The following NLRP9 variants were observed in gnomAD, a reference collection of about 807,000 sequenced individuals.
The protein encoded by NLRP9 is NACHT, LRR and PYD domains-containing protein 9.
Under a neutral mutation model 83.1 loss-of-function variants are expected in NLRP9, and 88 were observed. The ratio of observed to expected loss-of-function variants is 1.06; its 90% confidence interval spans 0.89 to 1.26. The LOEUF is 1.26. Ranked by LOEUF, NLRP9 falls within the 50% of genes most tolerant of loss-of-function variation. The pLI, the probability that NLRP9 is intolerant of heterozygous loss-of-function variation, is 0.00. For missense variants in NLRP9, 1,308 were observed against 1,179.3 expected (o/e 1.11, Z -1.60); for synonymous variants, 521 against 447.6 (o/e 1.16, Z -2.07).
At chr19:55,713,323 A>G (rs1250817141) in intron 6 of NLRP9, among the ~76,000 whole-genome samples, 1 of 151,818 alleles carries the variant, frequency 6.6e-6, no homozygotes, top group Non-Finnish European at 1.5e-5. Flanking sequence ...GATAGAGGAC[A>G]GAGGATAGGG....
chr19:55,733,919 ATTT>A (rs765779528), intron 1 of NLRP9, among the ~76,000 whole-genome samples: 5 of 117,850 alleles, frequency 4.2e-5, no homozygotes, highest in African/African-American at 7.2e-5. Context: ...TGTCAACCAA[ATTT>A]TTTTTTTTTT....
rs181727417 is a variant in NLRP9, at chr19:55,710,655, C to T, written c.2843+1145G>A. 5.9e-5 allele frequency among the ~76,000 whole-genome samples: 9 copies of T among 152,276 alleles called. No individual in the cohort carries two copies. The East Asian group carries it at 1.3e-3, about 23-fold the overall frequency. On this transcript the variant is annotated intron_variant, in intron 8 of 8. Coordinates refer to ENST00000332836, the MANE Select transcript of NLRP9 (RefSeq NM_176820.4). ...CTGCTTCCTTTCCTCCTGCTCCCGC[C>T]ACCAAAGACGTGCCTATTTCTGCTT...
rs1203355414 is a variant in NLRP9, at chr19:55,732,020, T to C, written c.1811A>G (p.Asp604Gly). The change falls in exon 2 of 9, where the codon GAT (aspartate) becomes GGT (glycine). Residue 604 changes from aspartate (D) to glycine (G), a missense_variant. Physicochemically the swap from Asp to Gly is moderately conservative, Grantham distance 94 (BLOSUM62 -1). Coordinates refer to ENST00000332836, the MANE Select transcript of NLRP9 (RefSeq NM_176820.4). ...LRMCVENIFP[D>G]DSGCISDYNE... is the part of the protein sequence containing the mutation. ...TCACTCTGAGATGCATCCTGAGTCATCTGGAAAGATATTCTCCACACACAT... is the reference window on the plus strand; with the variant it reads ...TCACTCTGAGATGCATCCTGAGTCACCTGGAAAGATATTCTCCACACACAT... The C allele has an allele frequency of 6.4e-7, 1 of 1,574,088 alleles. No homozygotes were observed. The highest frequency in any genetic ancestry group is 1.2e-5 in the South Asian group (1 of 82,288).
chr19:55,715,326 A>T, intron 5 of NLRP9, 101 bp from the exon 6 acceptor site: 4 of 997,124 alleles, frequency 4.0e-6, no homozygotes, highest in Non-Finnish European at 5.8e-6. Context: ...CTATGGTAAT[A>T]TTACCATATT....
intron 1 of NLRP9, among the ~76,000 whole-genome samples, chr19:55,735,198 G>A (rs1988753178): frequency 1.3e-5 from 2 of 152,156 alleles, no homozygotes; most frequent in African/African-American, 2.4e-5. Context: ...TTTATTCTCC[G>A]CTATATCCCT....
rs1568603613 is a variant in NLRP9 at position 55,732,468 on chromosome 19, T to G, written c.1363A>C (p.Met455Leu). The G allele has an allele frequency of 6.2e-7, 1 of 1,614,204 alleles. No homozygotes were observed. Among genetic ancestry groups the G allele is most frequent in the Non-Finnish European group, 8.5e-7 (1 of 1,180,040 alleles). ...TTGGGTCGTTTGAGCAAATAAAACATGGCGGCACAAAACTCTTGGATACAC... is the reference window on the plus strand; with the variant it reads ...TTGGGTCGTTTGAGCAAATAAAACAGGGCGGCACAAAACTCTTGGATACAC... ...HLCIQEFCAA[M>L]FYLLKRPKDD... is the part of the protein sequence containing the mutation. The change falls in exon 2 of 9, where the codon ATG (methionine) becomes CTG (leucine). Residue 455 changes from methionine (M) to leucine (L), a missense_variant. By Grantham distance (15) the Met-to-Leu change is conservative. Transcript: ENST00000332836.
Position 55,731,986 on chromosome 19 carries a change from T to A in NLRP9, c.1832+13A>T. 6.7e-7 allele frequency: 1 copy of A among 1,503,580 alleles called. No individual in the cohort carries two copies. Among genetic ancestry groups the A allele is most frequent in the Non-Finnish European group, 9.0e-7 (1 of 1,112,862 alleles). 93.1% of individuals were successfully genotyped at this position (1,503,580 alleles called of 1,614,324 possible). On this transcript the variant is annotated intron_variant, in intron 2 of 8. Transcript: ENST00000332836. ...TGTAGTGTGTGGGACGGGGGATTAATAGACAGACTCACTCTGAGATGCATC... is the reference window on the plus strand; with the variant it reads ...TGTAGTGTGTGGGACGGGGGATTAAAAGACAGACTCACTCTGAGATGCATC...
chr19:55,738,139 A>T lies in NLRP9; in HGVS notation c.236T>A (p.Ile79Asn). 6.2e-7 allele frequency: 1 copy of T among 1,613,988 alleles called. No homozygotes were observed. Reference protein sequence around the residue: ...WEVTLNLFLQINRKDLWTKAQ... With the variant: ...WEVTLNLFLQNNRKDLWTKAQ... Reference sequence around the variant, plus strand: ...CTTTGTCCAGAGATCTTTCCTATTGATCTGTAGAAACAGGTTCAGTGTTAC... The same window carrying T: ...CTTTGTCCAGAGATCTTTCCTATTGTTCTGTAGAAACAGGTTCAGTGTTAC... The change falls in exon 1 of 9, where the codon ATC (isoleucine) becomes AAC (asparagine). Residue 79 changes from isoleucine to asparagine, a missense_variant. By Grantham distance (149) the Ile-to-Asn change is moderately radical. Transcript: ENST00000332836.
At chr19:55,723,005 G>A (rs948590450) in intron 4 of NLRP9, among the ~76,000 whole-genome samples, 24 of 152,076 alleles carry the variant, frequency 1.6e-4, no homozygotes, top group Non-Finnish European at 2.6e-4. Flanking sequence ...GGTGGGTGGG[G>A]AGCTGGGGGA....
At chr19:55,731,102 CCCTCAGTGAACAGGGAA>C (rs1988555879) in intron 2 of NLRP9, among the ~76,000 whole-genome samples, 1 of 151,936 alleles carries the variant, frequency 6.6e-6, no homozygotes, top group African/African-American at 2.4e-5. Flanking sequence ...ATTTGGTGAC[CCCTCAGTGAACAGGGAA>C]CTGTATCCAA....
At chr19:55,719,749 G>A (rs1165339505) in intron 4 of NLRP9, among the ~76,000 whole-genome samples, 2 of 152,178 alleles carry the variant, frequency 1.3e-5, no homozygotes, top group Admixed American at 6.6e-5. Flanking sequence ...TAGAGATCAT[G>A]GTAAAATGTT....
chr19:55,722,831 G>A (rs924393633), intron 4 of NLRP9, among the ~76,000 whole-genome samples: 1 of 152,108 alleles, frequency 6.6e-6, no homozygotes, highest in East Asian at 1.9e-4. Flanking sequence ...AAAAGGAAGA[G>A]TTCATGTTCT....
At chr19:55,723,010 G>C (rs1988277774) in intron 4 of NLRP9, among the ~76,000 whole-genome samples, 1 of 152,066 alleles carries the variant, frequency 6.6e-6, no homozygotes, top group East Asian at 1.9e-4. Context: ...GTGGGGAGCT[G>C]GGGGAGGGAA....
chr19:55,715,592 G>C (rs1253977102), intron 5 of NLRP9, among the ~76,000 whole-genome samples: 1 of 152,184 alleles, frequency 6.6e-6, no homozygotes, highest in African/African-American at 2.4e-5. Flanking sequence ...GCTGAGGCAG[G>C]AGAATCGCTT....
intron 3 of NLRP9, among the ~76,000 whole-genome samples, chr19:55,729,544 G>A (rs1224048091): frequency 6.6e-6 from 1 of 151,934 alleles, no homozygotes; most frequent in African/African-American, 2.4e-5. Flanking sequence ...CTTCGTCCAT[G>A]TTCCTACAAA....
intron 4 of NLRP9, among the ~76,000 whole-genome samples, chr19:55,722,938 T>A (rs1030474788): frequency 1.4e-4 from 21 of 151,484 alleles, no homozygotes; most frequent in Admixed American, 1.2e-3. Flanking sequence ...ATAAGTGGAG[T>A]TGATCAGTGA....
At chr19:55,728,223 G>C (rs554942203) in intron 3 of NLRP9, among the ~76,000 whole-genome samples, 1 of 152,130 alleles carries the variant, frequency 6.6e-6, no homozygotes, top group African/African-American at 2.4e-5. Context: ...TAGAATTTAC[G>C]AACAGTGAAC....
rs1325162764 is a variant in NLRP9 at position 55,732,411 on chromosome 19, T to C, written c.1420A>G (p.Thr474Ala). The C allele has an allele frequency of 4.3e-6, 7 of 1,614,224 alleles. No homozygotes were observed. Among genetic ancestry groups the C allele is most frequent in the Non-Finnish European group, 8.5e-7 (1 of 1,180,046 alleles). The change falls in exon 2 of 9, where the codon ACC (threonine) becomes GCC (alanine). Residue 474 changes from threonine to alanine, a missense_variant. Coordinates refer to ENST00000332836, the MANE Select transcript of NLRP9 (RefSeq NM_176820.4). Reference sequence around the variant, plus strand: ...ACCACACTTGCTCTTACAAGCTGGGTTATGCTTCCAATGGCCGGGTTAGGA... The same window carrying C: ...ACCACACTTGCTCTTACAAGCTGGGCTATGCTTCCAATGGCCGGGTTAGGA... ...DDPNPAIGSITQLVRASVVQP... is the reference protein window; with the variant it reads ...DDPNPAIGSIAQLVRASVVQP...
chr19:55,731,379 A>G (rs868864236), intron 2 of NLRP9, among the ~76,000 whole-genome samples: 1 of 151,726 alleles, frequency 6.6e-6, no homozygotes, highest in Non-Finnish European at 1.5e-5. Flanking sequence ...AAAAAAGAAG[A>G]AAAGGAAAGA....
Sources: gnomAD v4.1 joint callset for allele counts (sites outside exome capture counted in the v4.1 genomes callset) on GRCh38, gnomAD v4.1.1 for gene constraint, MANE v1.5 for transcripts, NCBI Gene and HGNC (gene_info 2026-07-23, HGNC 2026-07-21) for gene names.